Variants in JARID2 observed in about 807,000 individuals in gnomAD.
JARID2 encodes jumonji and AT-rich interaction domain containing 2, also known as protein Jumonji.
In JARID2, 21 loss-of-function variants were observed where a neutral mutation model predicts 125.6. The observed-to-expected ratio is 0.17, with a 90% CI of 0.12 to 0.24. The LOEUF (loss-of-function observed/expected upper bound fraction) is 0.24, where lower values mean the gene tolerates loss of function less well. JARID2 is among the 10% of genes least tolerant of loss of function. The pLI is 1.00. For synonymous variants in JARID2, 736 were observed against 661.6 expected, an observed-to-expected ratio of 1.11 and a Z score of -1.73; for missense variants, 1,303 against 1,639.6, an observed-to-expected ratio of 0.79 and a Z score of 3.55.
intron 1 of JARID2, among the ~76,000 whole-genome samples, chr6:15,261,655 A>C (rs1264253128): frequency 6.6e-6 from 1 of 151,390 alleles, no homozygotes; most frequent in Non-Finnish European, 1.5e-5. Flanking sequence ...GGTTTCTGCC[A>C]TCAGCAGCAA....
intron 4 of JARID2, among the ~76,000 whole-genome samples, chr6:15,465,014 T>C (rs1381419511): frequency 6.6e-6 from 1 of 152,154 alleles, no homozygotes; most frequent in Non-Finnish European, 1.5e-5. Flanking sequence ...TCCTCACTGG[T>C]CTTCTATTTC....
At position 15,520,491 on chromosome 6, in the gene JARID2, C is replaced by T. The variant is rs893039749; in HGVS notation, c.*240C>T. On this transcript the variant is annotated 3_prime_UTR_variant, in exon 18 of 18. Transcript: ENST00000341776. ...CCGTATAGTCACTGTTTTAAAAACC[C>T]CGGAGGGGCTGTATTAATTTGTATT... 2.4e-6 allele frequency: 1 copy of T among 417,096 alleles called. No individual in the cohort carries two copies. The highest frequency in any genetic ancestry group is 2.0e-5 in the African/African-American group (1 of 48,828). The allele number at this position is 417,096 out of a possible 1,614,324, so 25.8% of individuals were successfully genotyped here.
At chr6:15,502,008 G>C (rs1303421233) in intron 8 of JARID2, among the ~76,000 whole-genome samples, 1 of 152,200 alleles carries the variant, frequency 6.6e-6, no homozygotes, top group Non-Finnish European at 1.5e-5. Flanking sequence ...CTCACTGCCA[G>C]CCCAGCGTTG....
intron 4 of JARID2, among the ~76,000 whole-genome samples, chr6:15,460,825 A>T (rs1768411348): frequency 6.6e-6 from 1 of 152,122 alleles, no homozygotes. Flanking sequence ...CTGTCTCAGC[A>T]TCCTGAGTAG....
rs772765775 is a variant in JARID2 at position 15,496,885 on chromosome 6, A to G, written c.1660A>G (p.Met554Val). ...CGGCGGCAAGGCCGGGTGGGCGGCC[A>G]TGGACGAGATCCCCGTCCTCAGGCC... ...KGGGKAGWAAMDEIPVLRPSA... is the reference protein window; with the variant it reads ...KGGGKAGWAAVDEIPVLRPSA... The change falls in exon 7 of 18, where the codon ATG becomes GTG. Residue 554 changes from methionine (M) to valine (V), a missense_variant. By Grantham distance (21) the Met-to-Val change is conservative. Coordinates refer to ENST00000341776, the MANE Select transcript of JARID2 (RefSeq NM_004973.4). 6.9e-6 allele frequency: 11 copies of G among 1,601,622 alleles called. No homozygotes were observed. The highest frequency in any genetic ancestry group is 1.7e-4 in the Middle Eastern group (1 of 6,048).
chr6:15,387,251 G>A (rs765005443), intron 2 of JARID2, among the ~76,000 whole-genome samples: 1 of 152,154 alleles, frequency 6.6e-6, no homozygotes, highest in Non-Finnish European at 1.5e-5. Flanking sequence ...GTGTGCCTGT[G>A]GTGGGATAGG....
At chr6:15,305,833 C>T (rs1228233402) in intron 1 of JARID2, among the ~76,000 whole-genome samples, 1 of 152,052 alleles carries the variant, frequency 6.6e-6, no homozygotes, top group Non-Finnish European at 1.5e-5. Flanking sequence ...CCTGTGAATT[C>T]CTTGGACAGT....
At chr6:15,314,715 T>G (rs1255751890) in intron 1 of JARID2, among the ~76,000 whole-genome samples, 3 of 152,208 alleles carry the variant, frequency 2.0e-5, no homozygotes, top group Non-Finnish European at 4.4e-5. Flanking sequence ...GGTACATAGA[T>G]GCCAGAGGTA....
At chr6:15,440,003 G>A (rs1767376443) in intron 3 of JARID2, among the ~76,000 whole-genome samples, 1 of 152,232 alleles carries the variant, frequency 6.6e-6, no homozygotes, top group Non-Finnish European at 1.5e-5. Context: ...TTCCGTGCCT[G>A]AAACACAGAT....
intron 1 of JARID2, among the ~76,000 whole-genome samples, chr6:15,282,837 G>A (rs1760808805): frequency 6.6e-6 from 1 of 152,190 alleles, no homozygotes; most frequent in African/African-American, 2.4e-5. Flanking sequence ...CCGACCTCAA[G>A]TGATCGGTCC....
At chr6:15,321,344 A>G (rs1200147400) in intron 1 of JARID2, among the ~76,000 whole-genome samples, 5 of 152,252 alleles carry the variant, frequency 3.3e-5, no homozygotes, top group Admixed American at 6.5e-5. Flanking sequence ...AAGGCTAACT[A>G]TGAACTAATG....
chr6:15,321,327 T>A (rs1762345778), intron 1 of JARID2, among the ~76,000 whole-genome samples: 1 of 152,110 alleles, frequency 6.6e-6, no homozygotes, highest in Non-Finnish European at 1.5e-5. Context: ...TTGTCCACTC[T>A]GTAACTAAGG....
At chr6:15,386,444 C>T (rs111750230) in intron 2 of JARID2, among the ~76,000 whole-genome samples, 1,620 of 152,086 alleles carry the variant, frequency 0.011, 32 homozygotes, top group African/African-American at 0.036. Flanking sequence ...ACCTTCCTAT[C>T]ACGCTGAAAA....
chr6:15,283,331 T>C (rs1760852856), intron 1 of JARID2, among the ~76,000 whole-genome samples: 1 of 143,772 alleles, frequency 7.0e-6, no homozygotes, highest in African/African-American at 2.7e-5. Flanking sequence ...CTGTCCTTTG[T>C]CCTTTAAGTA....
At chr6:15,366,516 G>GGT (rs1763981937) in intron 1 of JARID2, among the ~76,000 whole-genome samples, 2 of 133,690 alleles carry the variant, frequency 1.5e-5, no homozygotes, top group South Asian at 2.6e-4. Flanking sequence ...GGGCGGGGGG[G>GGT]GCGGGGGGGG....
intron 3 of JARID2, among the ~76,000 whole-genome samples, chr6:15,433,928 GTGTGT>G (rs1767086357): frequency 1.6e-5 from 1 of 60,952 alleles, no homozygotes; most frequent in Non-Finnish European, 3.5e-5. Context: ...CAGGGTGTGT[GTGTGT>G]GTGTGTGTGT....
chr6:15,283,480 AC>A (rs1417835008), intron 1 of JARID2, among the ~76,000 whole-genome samples: 1 of 144,732 alleles, frequency 6.9e-6, no homozygotes, highest in Non-Finnish European at 1.5e-5. Flanking sequence ...AGCTGGGACT[AC>A]AGGCATGCAC....
intron 1 of JARID2, among the ~76,000 whole-genome samples, chr6:15,250,640 G>T (rs768037474): frequency 6.6e-6 from 1 of 152,156 alleles, no homozygotes; most frequent in African/African-American, 2.4e-5. Context: ...TATTATCCAG[G>T]TTATATTATT....
Position 15,496,490 on chromosome 6 carries a change from TGGG to T in JARID2, c.1270_1272del (p.Gly424del), listed in dbSNP as rs747291227. 5 of 1,584,094 alleles carry T rather than the reference TGGG, an allele frequency of 3.2e-6. No individual in the cohort carries two copies. Among genetic ancestry groups the T allele is most frequent in the Non-Finnish European group, 4.3e-6 (5 of 1,165,670 alleles). On this transcript the variant is annotated inframe_deletion, in exon 7 of 18. Transcript: ENST00000341776. ...AACCCAAAGTCATGCACTAAGGAGG[TGGG>T]GGGGCGGCAGCTGCGGGAGGGCCTG...
Sources: allele counts gnomAD v4.1 joint callset (sites outside exome capture counted in the v4.1 genomes callset), GRCh38; gene constraint gnomAD v4.1.1; transcripts MANE v1.5; gene names NCBI Gene and HGNC (gene_info 2026-07-23, HGNC 2026-07-21).